DTNB: variants seen among roughly 807,000 people sequenced by gnomAD.
The protein encoded by DTNB is dystrobrevin beta.
A neutral mutation model predicts 90.7 loss-of-function variants in DTNB; 63 were observed. That is an observed-to-expected ratio of 0.69 (90% CI 0.57 to 0.86). DTNB has a LOEUF of 0.86. DTNB is among the 40% of genes least tolerant of loss of function. The pLI is 0.00. For missense variants in DTNB, 744 were observed against 807.1 expected (o/e 0.92, Z 0.95); for synonymous variants, 277 against 286.7 (o/e 0.97, Z 0.34).
intron 16 of DTNB, among the ~76,000 whole-genome samples, chr2:25,407,399 G>T (rs986615917): frequency 6.6e-5 from 10 of 152,172 alleles, no homozygotes; most frequent in Admixed American, 3.3e-4. Context: ...CCTACCATTT[G>T]ATCCAGCAAT....
intron 8 of DTNB, among the ~76,000 whole-genome samples, chr2:25,553,891 T>C (rs1353909524): frequency 6.6e-6 from 1 of 151,832 alleles, no homozygotes. Flanking sequence ...AGGAGGGAGC[T>C]ACATAAGGAC....
rs779882277 is a variant in DTNB, at chr2:25,607,273, T to G, written c.411A>C (p.Ala137=). ...LTVFSVKAML[A]TMCGGKMLDK... ...CCAGCATTTTTCCACCACACATGGT[T>G]GCTAACATAGCTTTAACTGAAAATA... is the stretch of plus-strand genomic sequence containing the variant. The change falls in exon 5 of 21, where the codon GCA becomes GCC. Residue 137 remains alanine (A), a synonymous_variant. Transcript: ENST00000406818. 1 of 1,607,904 alleles carries G rather than the reference T, an allele frequency of 6.2e-7. No individual in the cohort carries two copies. The highest frequency in any genetic ancestry group is 1.3e-5 in the African/African-American group (1 of 74,844).
At chr2:25,608,089 C>T (rs956897022) in intron 4 of DTNB, among the ~76,000 whole-genome samples, 1 of 152,188 alleles carries the variant, frequency 6.6e-6, no homozygotes, top group East Asian at 1.9e-4. Flanking sequence ...CAGATAAAAA[C>T]TTCACTAGTT....
intron 2 of DTNB, among the ~76,000 whole-genome samples, chr2:25,651,598 A>G (rs2080953687): frequency 6.6e-6 from 1 of 152,160 alleles, no homozygotes; most frequent in African/African-American, 2.4e-5. Flanking sequence ...TATCACCCCT[A>G]ACAAATAGTT....
chr2:25,379,167 T>A, intron 20 of DTNB, 123 bp downstream of exon 20: 1 of 965,712 alleles, frequency 1.0e-6, no homozygotes, highest in East Asian at 3.3e-5. Flanking sequence ...AGTTGGGCTC[T>A]TGCATCTTCA....
At chr2:25,524,372 A>T (rs1403844669) in intron 9 of DTNB, among the ~76,000 whole-genome samples, 1 of 150,202 alleles carries the variant, frequency 6.7e-6, no homozygotes, top group Non-Finnish European at 1.5e-5. Flanking sequence ...TCAACATCTC[A>T]TCTAAATCTG....
intron 8 of DTNB, among the ~76,000 whole-genome samples, chr2:25,534,699 AGGGT>A (rs1035477261): frequency 3.7e-5 from 5 of 135,010 alleles, no homozygotes; most frequent in African/African-American, 1.4e-4. Context: ...CCTCCCAGAC[AGGGT>A]GGCGGGTGGG....
chr2:25,391,442 G>A (rs2041098063), intron 16 of DTNB, among the ~76,000 whole-genome samples: 1 of 152,098 alleles, frequency 6.6e-6, no homozygotes, highest in South Asian at 2.1e-4. Context: ...AATGGGCAAA[G>A]GATCTGAATA....
chr2:25,524,065 C>G (rs890409263), intron 9 of DTNB, among the ~76,000 whole-genome samples: 2 of 152,000 alleles, frequency 1.3e-5, no homozygotes, highest in Non-Finnish European at 2.9e-5. Flanking sequence ...CCACACCCAG[C>G]TAATTTTGTA....
Position 25,377,348 on chromosome 2 carries a change from T to G in DTNB, c.*235A>C, listed in dbSNP as rs1318263825. On this transcript the variant is annotated 3_prime_UTR_variant, in exon 21 of 21. Transcript: ENST00000406818. Reference sequence around the variant, plus strand: ...GAAGGTGCTAGTACATGCAGGGCTGTGCAGGGGGAGGCCCACTAGCTGTGC... The same window carrying G: ...GAAGGTGCTAGTACATGCAGGGCTGGGCAGGGGGAGGCCCACTAGCTGTGC... The G allele has an allele frequency of 6.5e-6, 1 of 152,988 alleles. No individual in the cohort carries two copies. Among genetic ancestry groups the G allele is most frequent in the Non-Finnish European group, 1.5e-5 (1 of 68,180 alleles). The allele number at this position is 152,988 out of a possible 1,614,324, so 9.5% of individuals were successfully genotyped here.
chr2:25,571,806 G>A (rs1361799998), intron 8 of DTNB, among the ~76,000 whole-genome samples: 2 of 152,032 alleles, frequency 1.3e-5, no homozygotes, highest in African/African-American at 4.8e-5. Context: ...ATGTATATCG[G>A]CAGTGGGGGG....
intron 9 of DTNB, chr2:25,497,575 C>T (rs771238793): frequency 1.3e-5 from 2 of 152,138 alleles, no homozygotes; most frequent in Non-Finnish European, 2.9e-5. Flanking sequence ...AAAAATAGGA[C>T]GATGGTGTCT....
At chr2:25,512,797 G>C (rs932648897) in intron 9 of DTNB, among the ~76,000 whole-genome samples, 2 of 152,196 alleles carry the variant, frequency 1.3e-5, no homozygotes, top group Non-Finnish European at 1.5e-5. Context: ...AGCTAGCTTG[G>C]TGGAAAGGGC....
chr2:25,650,754 A>G (rs1450980307), intron 2 of DTNB, among the ~76,000 whole-genome samples: 1 of 152,200 alleles, frequency 6.6e-6, no homozygotes, highest in Non-Finnish European at 1.5e-5. Context: ...TGAGGTCAGG[A>G]GTTTGAGACC....
At chr2:25,423,123 G>A (rs2050331877) in intron 15 of DTNB, among the ~76,000 whole-genome samples, 1 of 152,128 alleles carries the variant, frequency 6.6e-6, no homozygotes, top group Non-Finnish European at 1.5e-5. Context: ...CTTGAATCCG[G>A]GAGGCAGAGG....
intron 10 of DTNB, among the ~76,000 whole-genome samples, chr2:25,482,466 G>A (rs1473938764): frequency 2.6e-5 from 4 of 151,928 alleles, no homozygotes; most frequent in African/African-American, 7.3e-5. Flanking sequence ...TGAAACTCAC[G>A]ACTACCAAAA....
At chr2:25,496,067 T>C (rs916171115) in intron 9 of DTNB, among the ~76,000 whole-genome samples, 5 of 152,272 alleles carry the variant, frequency 3.3e-5, no homozygotes, top group Admixed American at 1.3e-4. Flanking sequence ...TCTAGAGACA[T>C]GGAGAGGAAG....
chr2:25,549,653 T>A (rs544881659), intron 8 of DTNB, among the ~76,000 whole-genome samples: 1 of 152,254 alleles, frequency 6.6e-6, no homozygotes, highest in African/African-American at 2.4e-5. Context: ...CCTGATTTAT[T>A]TGCTTCCTTC....
chr2:25,516,269 C>T lies in DTNB; in HGVS notation c.1001+15204G>A, dbSNP rs1419009327. On this transcript the variant is annotated intron_variant, in intron 9 of 20. Coordinates refer to ENST00000406818, the MANE Select transcript of DTNB (RefSeq NM_021907.5). ...CACTTTCTTTCTTTCTTTGTTGAGACAGGGTTTCACTCTGTCATCCAGGCT... is the reference window on the plus strand; with the variant it reads ...CACTTTCTTTCTTTCTTTGTTGAGATAGGGTTTCACTCTGTCATCCAGGCT... 2.0e-5 allele frequency among the ~76,000 whole-genome samples: 3 copies of T among 151,998 alleles called. No homozygotes were observed. In the South Asian group the frequency reaches 6.2e-4, roughly 32 times the overall value.
Sources: gnomAD v4.1 joint callset for allele counts (sites outside exome capture counted in the v4.1 genomes callset) on GRCh38, gnomAD v4.1.1 for gene constraint, MANE v1.5 for transcripts, NCBI Gene and HGNC (gene_info 2026-07-23, HGNC 2026-07-21) for gene names.